The following MAGI2 variants were observed in gnomAD, a reference collection of about 807,000 sequenced individuals.
MAGI2 encodes membrane associated guanylate kinase, WW and PDZ domain containing 2, also known as membrane-associated guanylate kinase, WW and PDZ domain-containing protein 2.
MAGI2 carries 35 observed loss-of-function variants against 133.3 expected under a neutral mutation model. That is an observed-to-expected ratio of 0.26 (90% CI 0.20 to 0.35). The LOEUF (loss-of-function observed/expected upper bound fraction) is 0.35. Ranked by LOEUF, MAGI2 falls within the 10% of genes least tolerant of loss-of-function variation. MAGI2 has a pLI of 1.00. For missense variants in MAGI2, 1,636 were observed against 1,863.4 expected (o/e 0.88, Z 2.25); for synonymous variants, 729 against 710.6 (o/e 1.03, Z -0.41).
intron 3 of MAGI2, among the ~76,000 whole-genome samples, chr7:78,523,992 T>C (rs1157566135): frequency 1.3e-5 from 2 of 151,784 alleles, no homozygotes; most frequent in Non-Finnish European, 2.9e-5. Flanking sequence ...CAGTGCAAAC[T>C]GCCTCCATGA....
At chr7:78,351,123 C>G (rs1327201897) in intron 7 of MAGI2, among the ~76,000 whole-genome samples, 1 of 152,082 alleles carries the variant, frequency 6.6e-6, no homozygotes, top group African/African-American at 2.4e-5. Flanking sequence ...ACATAGTGCT[C>G]AAATATTTAC....
At chr7:79,227,013 A>G (rs1000707998) in intron 1 of MAGI2, among the ~76,000 whole-genome samples, 4 of 152,192 alleles carry the variant, frequency 2.6e-5, no homozygotes, top group African/African-American at 9.6e-5. Flanking sequence ...AAAAAATCCT[A>G]CTGAAGTAAA....
chr7:78,327,817 G>A lies in MAGI2; in HGVS notation c.1408+15961C>T, dbSNP rs532451117. On this transcript the variant is annotated intron_variant, in intron 9 of 21. Transcript: ENST00000354212. ...ATTGTAAAACAGAACAAGATTAGTC[G>A]ATGACAGAAATCAGATGTAAGCCCT... Among the ~76,000 whole-genome samples, 10 of 152,274 alleles carry A rather than the reference G, an allele frequency of 6.6e-5. 1 individual carries two copies. The South Asian group carries it at 1.9e-3, about 28-fold the overall frequency.
chr7:79,256,294 C>T (rs1307223728), intron 1 of MAGI2, among the ~76,000 whole-genome samples: 1 of 152,044 alleles, frequency 6.6e-6, no homozygotes, highest in Non-Finnish European at 1.5e-5. Context: ...CTTTTAGAAA[C>T]GAGTTTCCAT....
intron 1 of MAGI2, among the ~76,000 whole-genome samples, chr7:79,314,385 G>C (rs921496140): frequency 6.6e-6 from 1 of 152,086 alleles, no homozygotes; most frequent in Non-Finnish European, 1.5e-5. Context: ...CTGAGATTAC[G>C]GGAATAAGCC....
intron 5 of MAGI2, among the ~76,000 whole-genome samples, chr7:78,495,257 C>T (rs1793981261): frequency 6.6e-6 from 1 of 152,110 alleles, no homozygotes; most frequent in Admixed American, 6.5e-5. Context: ...TGCTATCCCT[C>T]CCCTAGGCCC....
chr7:78,697,344 T>A (rs1817627774), intron 2 of MAGI2, among the ~76,000 whole-genome samples: 1 of 152,214 alleles, frequency 6.6e-6, no homozygotes, highest in African/African-American at 2.4e-5. Context: ...CTTCTCAGTC[T>A]GCTTTCTCAT....
intron 1 of MAGI2, among the ~76,000 whole-genome samples, chr7:79,262,229 C>T (rs1000981777): frequency 2.0e-5 from 3 of 152,162 alleles, no homozygotes; most frequent in South Asian, 4.1e-4. Context: ...ATTTCCTATA[C>T]CATAGGCAGG....
At chr7:78,656,932 T>C (rs1441139063) in intron 2 of MAGI2, among the ~76,000 whole-genome samples, 2 of 151,184 alleles carry the variant, frequency 1.3e-5, no homozygotes, top group East Asian at 1.9e-4. Context: ...ATAACTGTTA[T>C]TTAAAATATA....
intron 2 of MAGI2, among the ~76,000 whole-genome samples, chr7:78,899,769 T>C (rs899463793): frequency 6.6e-6 from 1 of 152,170 alleles, no homozygotes; most frequent in Non-Finnish European, 1.5e-5. Flanking sequence ...ATATAGTCTG[T>C]GTTGAGAACT....
intron 2 of MAGI2, among the ~76,000 whole-genome samples, chr7:78,794,037 G>T (rs1787396249): frequency 6.6e-6 from 1 of 152,184 alleles, no homozygotes; most frequent in African/African-American, 2.4e-5. Context: ...GATGGTACTT[G>T]CATCTGAAAA....
intron 1 of MAGI2, among the ~76,000 whole-genome samples, chr7:79,278,475 A>G (rs1181465674): frequency 6.6e-6 from 1 of 152,178 alleles, no homozygotes; most frequent in Admixed American, 6.5e-5. Flanking sequence ...GAGTTGGTTC[A>G]GTCTGCCAAA....
At chr7:78,582,565 G>C (rs1442778568) in intron 3 of MAGI2, among the ~76,000 whole-genome samples, 5 of 152,168 alleles carry the variant, frequency 3.3e-5, no homozygotes, top group African/African-American at 1.2e-4. Context: ...TTCCAGTTAG[G>C]AGCCATGTGC....
At chr7:78,059,179 C>A (rs934354410) in intron 21 of MAGI2, among the ~76,000 whole-genome samples, 11 of 152,182 alleles carry the variant, frequency 7.2e-5, no homozygotes, top group Non-Finnish European at 1.5e-4. Flanking sequence ...TTAACAACAG[C>A]AGAAGCCCAC....
At chr7:78,632,990 A>T (rs997868870) in intron 2 of MAGI2, among the ~76,000 whole-genome samples, 4 of 152,224 alleles carry the variant, frequency 2.6e-5, no homozygotes, top group African/African-American at 7.2e-5. Flanking sequence ...CATGGAATCA[A>T]CCTATATGTT....
chr7:79,087,477 T>TA (rs1418305570), intron 1 of MAGI2, among the ~76,000 whole-genome samples: 43 of 152,116 alleles, frequency 2.8e-4, no homozygotes, highest in Non-Finnish European at 5.9e-5. Context: ...ATAATGAATA[T>TA]AAAATTATAA....
At chr7:78,026,909 T>C (rs1014598181) in intron 21 of MAGI2, among the ~76,000 whole-genome samples, 1 of 152,208 alleles carries the variant, frequency 6.6e-6, no homozygotes, top group African/African-American at 2.4e-5. Flanking sequence ...TGGCAATAGC[T>C]AACACTGACT....
chr7:79,356,701 C>A, intron 1 of MAGI2, among the ~76,000 whole-genome samples: 1 of 152,130 alleles, frequency 6.6e-6, no homozygotes. Context: ...GAAACACAGT[C>A]GAAGTAGATC....
intron 2 of MAGI2, among the ~76,000 whole-genome samples, chr7:78,836,816 T>C (rs1283544232): frequency 3.9e-5 from 6 of 152,210 alleles, no homozygotes; most frequent in Non-Finnish European, 1.5e-5. Flanking sequence ...TGCTGAACCC[T>C]GTATGCCGAT....
Sources: gnomAD v4.1 joint callset for allele counts (sites outside exome capture counted in the v4.1 genomes callset) on GRCh38, gnomAD v4.1.1 for gene constraint, MANE v1.5 for transcripts, NCBI Gene and HGNC (gene_info 2026-07-23, HGNC 2026-07-21) for gene names.